The following NPAS3 variants were observed in gnomAD, a reference collection of about 807,000 sequenced individuals.
NPAS3 encodes the protein neuronal PAS domain-containing protein 3.
A neutral mutation model predicts 73.1 loss-of-function variants in NPAS3; 14 were observed. That is an observed-to-expected ratio of 0.19 (90% CI 0.13 to 0.30). The LOEUF (loss-of-function observed/expected upper bound fraction) is 0.30, where lower values mean the gene tolerates loss of function less well. Among genes scored for constraint, NPAS3 ranks in the 10% least tolerant of loss-of-function variants. The pLI is 1.00. For missense variants in NPAS3, 1,096 were observed against 1,250.0 expected (o/e 0.88, Z 1.86); for synonymous variants, 620 against 541.5 (o/e 1.14, Z -2.01).
intron 4 of NPAS3, among the ~76,000 whole-genome samples, chr14:33,369,673 G>A (rs1351086951): frequency 6.6e-6 from 1 of 152,050 alleles, no homozygotes. Context: ...AGAACTTTTG[G>A]TATAATTTGA....
intron 6 of NPAS3, among the ~76,000 whole-genome samples, chr14:33,718,464 C>T (rs769012152): frequency 3.4e-4 from 51 of 152,120 alleles, no homozygotes; most frequent in Non-Finnish European, 5.6e-4. Context: ...TAGTCAGGTT[C>T]GTGACACCTA....
At chr14:33,309,813 C>T (rs1479400543) in intron 3 of NPAS3, among the ~76,000 whole-genome samples, 2 of 152,104 alleles carry the variant, frequency 1.3e-5, no homozygotes, top group Non-Finnish European at 2.9e-5. Context: ...TGTAAGTCTG[C>T]CTTCCCCTGG....
chr14:33,166,475 A>G (rs1207210966), intron 2 of NPAS3, among the ~76,000 whole-genome samples: 1 of 152,038 alleles, frequency 6.6e-6, no homozygotes, highest in South Asian at 2.1e-4. Context: ...TGTCTCCCTC[A>G]GTAAGAGGTA....
At chr14:33,441,560 A>T (rs2049249512) in intron 4 of NPAS3, among the ~76,000 whole-genome samples, 1 of 152,174 alleles carries the variant, frequency 6.6e-6, no homozygotes, top group East Asian at 1.9e-4. Context: ...CCATCCTATT[A>T]TTGTACTATT....
At chr14:33,235,550 G>A (rs932538196) in intron 3 of NPAS3, among the ~76,000 whole-genome samples, 1 of 151,978 alleles carries the variant, frequency 6.6e-6, no homozygotes, top group African/African-American at 2.4e-5. Context: ...AAAGCTGGGG[G>A]AAAATGATAC....
chr14:33,792,908 C>T (rs966714220), intron 9 of NPAS3, among the ~76,000 whole-genome samples: 5 of 152,238 alleles, frequency 3.3e-5, no homozygotes, highest in Non-Finnish European at 7.3e-5. Flanking sequence ...CGCCGAGTTG[C>T]TGCGATCCGC....
intron 4 of NPAS3, among the ~76,000 whole-genome samples, chr14:33,523,118 GA>G (rs1300685451): frequency 6.6e-6 from 1 of 152,056 alleles, no homozygotes; most frequent in Non-Finnish European, 1.5e-5. Context: ...TCCAGTAGAA[GA>G]AATTAAACAA....
intron 4 of NPAS3, among the ~76,000 whole-genome samples, chr14:33,501,756 A>C (rs1157162762): frequency 6.6e-6 from 1 of 151,862 alleles, no homozygotes. Flanking sequence ...AGCTCAGGGA[A>C]GAAAGGCTCT....
chr14:33,800,845 CAACGCGCACGCTGTTAACTTCGTG>C lies in NPAS3; in HGVS notation c.2539_2562del (p.Asn847_Val854del), dbSNP rs1566560916. 1 of 1,604,260 alleles carries C rather than the reference CAACGCGCACGCTGTTAACTTCGTG, an allele frequency of 6.2e-7. No homozygotes were observed. Among genetic ancestry groups the C allele is most frequent in the African/African-American group, 1.3e-5 (1 of 74,832 alleles). Reference sequence around the variant, plus strand: ...TGGCCATGCAGAGCAACCTGCTGCCCAACGCGCACGCTGTTAACTTCGTGGACGTTAACAGCCCCGGCTTTGGCC... The same window carrying C: ...TGGCCATGCAGAGCAACCTGCTGCCCGACGTTAACAGCCCCGGCTTTGGCC... On this transcript the variant is annotated inframe_deletion, in exon 12 of 12. Transcript: ENST00000356141. The surrounding 1 kb of genome is among the most constrained non-coding windows in gnomAD (Gnocchi z 6.5).
chr14:33,122,964 CTT>C (rs967537020), intron 2 of NPAS3, among the ~76,000 whole-genome samples: 5 of 152,022 alleles, frequency 3.3e-5, no homozygotes, highest in Non-Finnish European at 7.4e-5. Flanking sequence ...CAAAACAACA[CTT>C]TTAGTCATGA....
intron 2 of NPAS3, 37 bp downstream of exon 2, chr14:33,056,031 G>A (rs1167409399): frequency 1.6e-5 from 13 of 789,802 alleles, no homozygotes; most frequent in Admixed American, 2.0e-5. Flanking sequence ...CTTCTGGCTC[G>A]TACATCAGTG....
intron 5 of NPAS3, among the ~76,000 whole-genome samples, chr14:33,579,822 G>T (rs1208360792): frequency 6.6e-6 from 1 of 151,894 alleles, no homozygotes; most frequent in Non-Finnish European, 1.5e-5. Context: ...AGGCCTTATT[G>T]TATCTACACG....
At chr14:33,011,969 T>C (rs1254028101) in intron 1 of NPAS3, among the ~76,000 whole-genome samples, 1 of 151,978 alleles carries the variant, frequency 6.6e-6, no homozygotes, top group Admixed American at 6.6e-5. Flanking sequence ...TTCTTCTTCC[T>C]TTCCCCCCTT....
chr14:32,961,179 C>T (rs1426420213), intron 1 of NPAS3, among the ~76,000 whole-genome samples: 5 of 151,718 alleles, frequency 3.3e-5, no homozygotes, highest in African/African-American at 4.8e-5. Flanking sequence ...TTTGGGAGGC[C>T]GAGGTGGGCG....
At chr14:33,195,246 T>G (rs2046310079) in intron 2 of NPAS3, among the ~76,000 whole-genome samples, 1 of 152,074 alleles carries the variant, frequency 6.6e-6, no homozygotes, top group Non-Finnish European at 1.5e-5. Context: ...AAAAAAAAAT[T>G]TAAAAAAGGG....
chr14:33,752,266 ATC>A (rs1200595600), intron 7 of NPAS3, among the ~76,000 whole-genome samples: 1 of 152,018 alleles, frequency 6.6e-6, no homozygotes, highest in Non-Finnish European at 1.5e-5. Context: ...TTTCTCAAAC[ATC>A]TTTTTCTTCT....
At chr14:33,257,868 T>C (rs2048834797) in intron 3 of NPAS3, among the ~76,000 whole-genome samples, 1 of 152,146 alleles carries the variant, frequency 6.6e-6, no homozygotes, top group South Asian at 2.1e-4. Context: ...GGGTATATTT[T>C]ATGCCAGTAA....
At chr14:32,973,197 A>C (rs1239194318) in intron 1 of NPAS3, among the ~76,000 whole-genome samples, 1 of 152,228 alleles carries the variant, frequency 6.6e-6, no homozygotes, top group African/African-American at 2.4e-5. Flanking sequence ...AGACATTCTA[A>C]GCACACATTC....
At chr14:33,685,611 CA>C (rs1457154785) in intron 6 of NPAS3, among the ~76,000 whole-genome samples, 10 of 152,156 alleles carry the variant, frequency 6.6e-5, no homozygotes, top group African/African-American at 2.4e-4. Flanking sequence ...TCCATTTATA[CA>C]GAGCAGATTT....
Sources: allele counts gnomAD v4.1 joint callset (sites outside exome capture counted in the v4.1 genomes callset), GRCh38; gene constraint gnomAD v4.1.1; non-coding constraint Gnocchi (gnomAD v3.1); transcripts MANE v1.5; gene names NCBI Gene and HGNC (gene_info 2026-07-23, HGNC 2026-07-21).